The following INO80 variants were observed in gnomAD, a reference collection of about 807,000 sequenced individuals.
INO80 encodes the protein INO80 complex ATPase subunit.
A neutral mutation model predicts 203.4 loss-of-function variants in INO80; 20 were observed. That is an observed-to-expected ratio of 0.10 (90% CI 0.07 to 0.14). The LOEUF is 0.14. Ranked by LOEUF, INO80 falls within the 10% of genes least tolerant of loss-of-function variation. The probability of loss-of-function intolerance (pLI) is 1.00; values close to 1 mark genes in which losing one functional copy is unlikely to be tolerated. For synonymous variants in INO80, 726 were observed against 685.2 expected (o/e 1.06, Z -0.93); for missense variants, 1,419 against 1,914.4 (o/e 0.74, Z 4.83).
intron 34 of INO80, among the ~76,000 whole-genome samples, chr15:40,983,429 T>G (rs895430489): frequency 4.6e-5 from 7 of 152,154 alleles, no homozygotes; most frequent in African/African-American, 1.7e-4. Flanking sequence ...AGTCAAATTT[T>G]ACCCTCGAGT....
intron 29 of INO80, among the ~76,000 whole-genome samples, chr15:40,990,427 C>G (rs970846508): frequency 6.6e-6 from 1 of 152,166 alleles, no homozygotes; most frequent in Non-Finnish European, 1.5e-5. Flanking sequence ...GTGGCATGAT[C>G]TTGGCTCACT....
chr15:41,016,143 T>C lies in INO80; in HGVS notation c.3347A>G (p.Gln1116Arg). The change falls in exon 27 of 36, where the codon CAA becomes CGA. Residue 1116 changes from glutamine (Q) to arginine (R), a missense_variant. Physicochemically the swap from Gln to Arg is conservative, Grantham distance 43. Around this residue, in one of 9 missense-constraint regions of INO80, gnomAD observed 302 missense variants for 345.4 expected, o/e 0.87. Coordinates refer to ENST00000648947, the MANE Select transcript of INO80 (RefSeq NM_017553.3). ...GGAGTAGATAAGGACCCTATGCCCT[T>C]GAGACTTGAGCCGAGTCAGCAGGAC... ...LDVLLTRLKS[Q>R]GHRVLIYSQM... 1 of 1,613,602 alleles carries C rather than the reference T, an allele frequency of 6.2e-7. No homozygotes were observed. The highest frequency in any genetic ancestry group is 8.5e-7 in the Non-Finnish European group (1 of 1,179,582).
At chr15:41,001,480 T>G (rs1205403027) in intron 28 of INO80, among the ~76,000 whole-genome samples, 1 of 152,108 alleles carries the variant, frequency 6.6e-6, no homozygotes, top group Non-Finnish European at 1.5e-5. Flanking sequence ...TCTACAACAC[T>G]CACAAAGAAA....
In INO80 at chr15:41,085,581, T is replaced by G. The variant is rs1262643591; in HGVS notation, c.661A>C (p.Lys221Gln). The part of the protein sequence containing the change: ...KFKEEKKLKA[K>Q]LKKVKKKRRR... ...CTTTTTTTCTTCACTTTTTTCAACT[T>G]AGCTGCAAAAGAAACAGATGCAACA... Residue 221 changes from lysine (K) to glutamine (Q), a missense_variant and splice_region_variant, in exon 7 of 36, where the codon AAG becomes CAG. Around this residue, in one of 9 missense-constraint regions of INO80, gnomAD observed 323 missense variants for 325.4 expected, o/e 0.99. Coordinates refer to ENST00000648947, the MANE Select transcript of INO80 (RefSeq NM_017553.3). 1 of 1,613,422 alleles carries G rather than the reference T, an allele frequency of 6.2e-7. No individual in the cohort carries two copies. The highest frequency in any genetic ancestry group is 2.2e-5 in the East Asian group (1 of 44,874).
intron 27 of INO80, 74 bp downstream of exon 27, chr15:41,016,014 C>A: frequency 1.7e-6 from 2 of 1,189,660 alleles, no homozygotes; most frequent in Non-Finnish European, 2.4e-6. Context: ...GCAGGACTAA[C>A]ATTAGTCATG....
intron 24 of INO80, among the ~76,000 whole-genome samples, chr15:41,041,568 G>C (rs1172232495): frequency 6.6e-6 from 1 of 151,602 alleles, no homozygotes; most frequent in Non-Finnish European, 1.5e-5. Context: ...AGCCTCCCTA[G>C]TAGTTGGGAT....
intron 31 of INO80, among the ~76,000 whole-genome samples, chr15:40,985,868 A>G (rs1172014519): frequency 6.6e-6 from 1 of 152,176 alleles, no homozygotes; most frequent in Non-Finnish European, 1.5e-5. Context: ...GGATTGTGAC[A>G]CTGTACTCCA....
chr15:40,987,051 A>C, intron 31 of INO80, 40 bp downstream of exon 31: 1 of 1,165,338 alleles, frequency 8.6e-7, no homozygotes, highest in Admixed American at 1.7e-5. Flanking sequence ...TTCCATTCTC[A>C]GATACGTGAG....
At chr15:41,007,590 C>T (rs182724683) in intron 27 of INO80, among the ~76,000 whole-genome samples, 13 of 151,888 alleles carry the variant, frequency 8.6e-5, no homozygotes, top group Non-Finnish European at 1.8e-4. Context: ...AGCACAACCC[C>T]GGGGATATTA....
chr15:41,068,967 T>C (rs2045267976), intron 14 of INO80, among the ~76,000 whole-genome samples: 1 of 152,210 alleles, frequency 6.6e-6, no homozygotes, highest in Non-Finnish European at 1.5e-5. Context: ...GTACTGATGG[T>C]ATGATTTGTC....
chr15:41,027,603 C>T lies in INO80; in HGVS notation c.3041G>A (p.Ser1014Asn). The change falls in exon 25 of 36, where the codon AGT becomes AAT. Residue 1014 changes from serine to asparagine, a missense_variant. Transcript: ENST00000648947. Reference sequence around the variant, plus strand: ...CCCTCCTGGAGCACTTACTCGTGGACTGGCCACACACAAAAAAGATGGCAG... The same window carrying T: ...CCCTCCTGGAGCACTTACTCGTGGATTGGCCACACACAAAAAAGATGGCAG... ...TELPSFLCVA[S>N]PRVTAVPLDS... 6.2e-7 allele frequency: 1 copy of T among 1,609,354 alleles called. No individual in the cohort carries two copies. The highest frequency in any genetic ancestry group is 8.5e-7 in the Non-Finnish European group (1 of 1,177,982).
chr15:41,026,534 C>G (rs1395794870), intron 25 of INO80, among the ~76,000 whole-genome samples: 2 of 151,570 alleles, frequency 1.3e-5, no homozygotes, highest in African/African-American at 4.9e-5. Context: ...GGCTGGGTAA[C>G]AGAGTGAAAC....
Position 41,077,149 on chromosome 15 carries a change from C to T in INO80, c.1131+2552G>A, listed in dbSNP as rs578086423. 8.6e-5 allele frequency among the ~76,000 whole-genome samples: 13 copies of T among 151,730 alleles called. No individual in the cohort carries two copies. The South Asian group carries it at 2.3e-3, about 27-fold the overall frequency. On this transcript the variant is annotated intron_variant, in intron 9 of 35. Coordinates refer to ENST00000648947, the MANE Select transcript of INO80 (RefSeq NM_017553.3). ...GTCTCGATCTCCCGATCTCTTGATCCGCCCACCTCGGCCTCCCAAAGTGCT... is the reference window on the plus strand; with the variant it reads ...GTCTCGATCTCCCGATCTCTTGATCTGCCCACCTCGGCCTCCCAAAGTGCT...
chr15:41,023,737 C>A (rs2044329905), intron 25 of INO80, among the ~76,000 whole-genome samples: 1 of 130,166 alleles, frequency 7.7e-6, no homozygotes, highest in Non-Finnish European at 1.5e-5. Flanking sequence ...CCACTGCACT[C>A]CAGCCTGGGT....
At chr15:41,095,705 G>C (rs2140666358) in intron 3 of INO80, 37 bp from the exon 4 acceptor site, 2 of 1,607,704 alleles carry the variant, frequency 1.2e-6, no homozygotes, top group Non-Finnish European at 1.7e-6. Context: ...AAAATTAAAG[G>C]ATGACTGCCC....
intron 16 of INO80, 121 bp from the exon 17 acceptor site, chr15:41,056,827 C>T: frequency 1.4e-6 from 1 of 719,166 alleles, no homozygotes; most frequent in South Asian, 1.7e-5. Context: ...TCAAGTACTC[C>T]ATCATGTATT....
At chr15:41,016,299 A>C (rs1462336079) in intron 26 of INO80, 84 bp from the exon 27 acceptor site, 25 of 1,327,468 alleles carry the variant, frequency 1.9e-5, no homozygotes, top group Non-Finnish European at 2.4e-5. Context: ...ATGCAACCAC[A>C]ATCACTAAAA....
intron 1 of INO80, among the ~76,000 whole-genome samples, chr15:41,111,331 G>T (rs886285159): frequency 2.0e-5 from 3 of 152,026 alleles, no homozygotes; most frequent in Non-Finnish European, 2.9e-5. Flanking sequence ...CTGTAGTCCC[G>T]GTTACTCAGG....
intron 29 of INO80, among the ~76,000 whole-genome samples, chr15:40,995,931 G>GC (rs1347186223): frequency 2.0e-5 from 3 of 152,122 alleles, no homozygotes; most frequent in Non-Finnish European, 2.9e-5. Context: ...GCCTCCAGTG[G>GC]CCCTCAGGCG....
Sources: allele counts gnomAD v4.1 joint callset (sites outside exome capture counted in the v4.1 genomes callset), GRCh38; gene constraint gnomAD v4.1.1; regional missense constraint gnomAD v4.1.1; transcripts MANE v1.5; gene names NCBI Gene and HGNC (gene_info 2026-07-23, HGNC 2026-07-21).